The following RBFOX1 variants were observed in gnomAD, a reference collection of about 807,000 sequenced individuals.
RBFOX1 encodes the protein RNA binding protein fox-1 homolog 1.
Under a neutral mutation model 57.7 loss-of-function variants are expected in RBFOX1, and 8 were observed. That is an observed-to-expected ratio of 0.14 (90% CI 0.08 to 0.25). RBFOX1 has a LOEUF of 0.25. RBFOX1 is among the 10% of genes least tolerant of loss of function. RBFOX1 has a pLI of 1.00. For missense variants in RBFOX1, 611 were observed against 548.5 expected, an observed-to-expected ratio of 1.11 and a Z score of -1.14; for synonymous variants, 326 against 222.4, an observed-to-expected ratio of 1.47 and a Z score of -4.15.
At chr16:6,377,380 A>G (rs2091313751) in intron 2 of RBFOX1, among the ~76,000 whole-genome samples, 1 of 152,104 alleles carries the variant, frequency 6.6e-6, no homozygotes, top group Admixed American at 6.5e-5. Flanking sequence ...TAAAGACCCT[A>G]TTTCCAAATA....
At chr16:7,350,593 A>G (rs765139068) in intron 4 of RBFOX1, among the ~76,000 whole-genome samples, 1 of 152,202 alleles carries the variant, frequency 6.6e-6, no homozygotes, top group African/African-American at 2.4e-5. Context: ...CTTTAGTGGG[A>G]CAAGATGCAA....
rs547791748 is a variant in RBFOX1, at chr16:6,346,509, T to C, written c.-64+29452T>C. On this transcript the variant is annotated intron_variant, in intron 2 of 15. Transcript: ENST00000550418. ...TACTGTTCCAACGAGGCAAGGCTGATCTGTAACTAATCAAGGTGCTTCCCT... is the reference window on the plus strand; with the variant it reads ...TACTGTTCCAACGAGGCAAGGCTGACCTGTAACTAATCAAGGTGCTTCCCT... Among the ~76,000 whole-genome samples, 3 of 152,282 alleles carry C rather than the reference T, an allele frequency of 2.0e-5. No individual in the cohort carries two copies. In the South Asian group the frequency reaches 6.2e-4, roughly 32 times the overall value.
intron 3 of RBFOX1, chr16:5,611,335 C>T (rs1399811467): frequency 1.3e-5 from 2 of 152,178 alleles, no homozygotes; most frequent in Non-Finnish European, 2.9e-5. Context: ...GTTCTCTCAT[C>T]TCCTTTCTCA....
chr16:5,541,489 C>G (rs1413343946), intron 2 of RBFOX1, among the ~76,000 whole-genome samples: 3 of 152,118 alleles, frequency 2.0e-5, no homozygotes, highest in Non-Finnish European at 4.4e-5. Flanking sequence ...CAGGACAACT[C>G]AAGCAGGGAG....
intron 3 of RBFOX1, among the ~76,000 whole-genome samples, chr16:7,007,966 C>A (rs543479064): frequency 4.6e-5 from 7 of 152,262 alleles, no homozygotes; most frequent in African/African-American, 1.7e-4. Context: ...GAAATGGCAA[C>A]AGATTTCAGA....
At position 7,308,310 on chromosome 16, in the gene RBFOX1, T is replaced by TTTTTC. The variant is rs199716868; in HGVS notation, c.28-209837_28-209836insTTTTC. 5.2e-4 allele frequency among the ~76,000 whole-genome samples: 78 copies of TTTTTC among 151,136 alleles called. 1 individual carries two copies. In the East Asian group the frequency reaches 0.015, roughly 29 times the overall value. ...CCACCCAGAGCTGTTTTTTTTTTTTTCCACTGAGTTTAATGTCCTGAAAGA... is the reference window on the plus strand; with the variant it reads ...CCACCCAGAGCTGTTTTTTTTTTTTTTTTTCCCACTGAGTTTAATGTCCTGAAAGA... On this transcript the variant is annotated intron_variant, in intron 4 of 15. Transcript: ENST00000550418.
chr16:5,350,493 G>A (rs2065238512), intron 1 of RBFOX1, among the ~76,000 whole-genome samples: 1 of 152,160 alleles, frequency 6.6e-6, no homozygotes, highest in South Asian at 2.1e-4. Flanking sequence ...TAGTTCCCGT[G>A]TCAGCCTTTG....
At chr16:6,930,150 AAAGAG>A (rs1443654391) in intron 3 of RBFOX1, among the ~76,000 whole-genome samples, 2 of 152,208 alleles carry the variant, frequency 1.3e-5, no homozygotes, top group African/African-American at 4.8e-5. Context: ...CTAGGGAAAT[AAAGAG>A]AAGAGAGATA....
chr16:5,945,309 C>A (rs1303371009), intron 4 of RBFOX1, among the ~76,000 whole-genome samples: 1 of 152,188 alleles, frequency 6.6e-6, no homozygotes, highest in African/African-American at 2.4e-5. Context: ...TGTCTGGAGT[C>A]ATCATCGTTG....
chr16:6,122,536 C>T (rs989174865), intron 1 of RBFOX1, among the ~76,000 whole-genome samples: 135 of 152,268 alleles, frequency 8.9e-4, no homozygotes, highest in African/African-American at 3.2e-3. Flanking sequence ...TGCCATGGAG[C>T]CTCATCCCTG....
At chr16:6,910,134 C>G (rs1333956845) in intron 3 of RBFOX1, among the ~76,000 whole-genome samples, 1 of 151,952 alleles carries the variant, frequency 6.6e-6, no homozygotes, top group Non-Finnish European at 1.5e-5. Context: ...AGAGATTGGG[C>G]ATTCTAGCGG....
intron 4 of RBFOX1, among the ~76,000 whole-genome samples, chr16:7,155,227 A>C (rs13380794): frequency 0.21 from 32,032 of 151,986 alleles, 3,655 homozygotes; most frequent in African/African-American, 0.28. Flanking sequence ...AAAAAAATTA[A>C]TTTTGAGAGA....
intron 1 of RBFOX1, among the ~76,000 whole-genome samples, chr16:5,261,888 C>G (rs1482744368): frequency 1.3e-5 from 2 of 152,126 alleles, no homozygotes; most frequent in East Asian, 3.9e-4. Flanking sequence ...TTTCCCTGGC[C>G]TCTTGCATCT....
rs527632181 is a variant in RBFOX1 at position 6,760,950 on chromosome 16, A to C, written c.-16+106300A>C. Among the ~76,000 whole-genome samples, 398 of 152,286 alleles carry C rather than the reference A, an allele frequency of 2.6e-3. 2 individuals are homozygous for C. The highest frequency in any genetic ancestry group is 9.2e-3 in the African/African-American group (383 of 41,558). On this transcript the variant is annotated intron_variant, in intron 3 of 15. Transcript: ENST00000550418. ...ATGCCACCCATCAGGATCGGACTGT[A>C]ATGGAGAGATCTTCTTAGCTCTCTC...
intron 2 of RBFOX1, among the ~76,000 whole-genome samples, chr16:6,367,625 G>C (rs940823859): frequency 1.4e-4 from 22 of 151,940 alleles, no homozygotes; most frequent in African/African-American, 4.8e-4. Context: ...TTGTGAATAT[G>C]TAAATAAAAA....
chr16:7,292,886 C>G (rs2095820370), intron 4 of RBFOX1, among the ~76,000 whole-genome samples: 1 of 152,022 alleles, frequency 6.6e-6, no homozygotes. Context: ...AAGAGATGAT[C>G]CCCTCAAAGA....
intron 2 of RBFOX1, among the ~76,000 whole-genome samples, chr16:5,468,552 T>C (rs1342900172): frequency 6.6e-6 from 1 of 152,174 alleles, no homozygotes; most frequent in African/African-American, 2.4e-5. Flanking sequence ...CACTCCTACA[T>C]ATATACCCCA....
chr16:7,052,160 T>G, intron 4 of RBFOX1, 62 bp downstream of exon 4: 11 of 1,564,922 alleles, frequency 7.0e-6, no homozygotes, highest in Non-Finnish European at 4.3e-6. Flanking sequence ...AGCAAAAATT[T>G]CCTTGTCTCT....
At chr16:7,446,686 C>T (rs1190639585) in intron 4 of RBFOX1, among the ~76,000 whole-genome samples, 2 of 151,872 alleles carry the variant, frequency 1.3e-5, no homozygotes, top group African/African-American at 2.4e-5. Context: ...TGTTGGGCAA[C>T]CCCATAGAGC....
Sources: allele counts gnomAD v4.1 joint callset (sites outside exome capture counted in the v4.1 genomes callset), GRCh38; gene constraint gnomAD v4.1.1; transcripts MANE v1.5; gene names NCBI Gene and HGNC (gene_info 2026-07-23, HGNC 2026-07-21).